Variants in PPP2R1B observed in about 807,000 individuals in gnomAD.
PPP2R1B encodes the protein serine/threonine-protein phosphatase 2A 65 kDa regulatory subunit A beta isoform.
In PPP2R1B, 58 loss-of-function variants were observed where a neutral mutation model predicts 72.7. The observed-to-expected ratio is 0.80, with a 90% CI of 0.65 to 0.99. PPP2R1B has a LOEUF of 0.99. Ranked by LOEUF, PPP2R1B falls within the 50% of genes least tolerant of loss-of-function variation. The probability of loss-of-function intolerance (pLI) is 0.00; values close to 1 mark genes in which losing one functional copy is unlikely to be tolerated. For missense variants in PPP2R1B, 695 were observed against 733.6 expected (o/e 0.95, Z 0.61); for synonymous variants, 256 against 264.6 (o/e 0.97, Z 0.32).
chr11:111,703,862 G>A, the PPP2R1B span, among the ~76,000 whole-genome samples: 1 of 152,088 alleles, frequency 6.6e-6, no homozygotes, highest in South Asian at 2.1e-4. Flanking sequence ...AAACTAAGAA[G>A]GCAAAAACAG....
chr11:111,715,960 C>A, the PPP2R1B span, among the ~76,000 whole-genome samples: 2 of 152,006 alleles, frequency 1.3e-5, no homozygotes, highest in Admixed American at 6.6e-5. Context: ...TGCCACCACA[C>A]CCAGCTAAGT....
chr11:111,695,859 TTGTG>T, the PPP2R1B span, among the ~76,000 whole-genome samples: 2 of 152,248 alleles, frequency 1.3e-5, no homozygotes, highest in Non-Finnish European at 2.9e-5. Context: ...TCCTAAAACA[TTGTG>T]CCTTTGCTAA....
At chr11:111,750,317 T>C (rs1944855770) in intron 10 of PPP2R1B, among the ~76,000 whole-genome samples, 1 of 152,160 alleles carries the variant, frequency 6.6e-6, no homozygotes, top group Non-Finnish European at 1.5e-5. Flanking sequence ...GCGATGTCAA[T>C]AGTAAACTGA....
At position 111,740,645 on chromosome 11, in the gene PPP2R1B, C is replaced by T. The variant is rs1944486483; in HGVS notation, c.*951G>A. 3.0e-6 allele frequency: 3 copies of T among 985,120 alleles called. No homozygotes were observed. Among genetic ancestry groups the T allele is most frequent in the Non-Finnish European group, 3.6e-6 (3 of 829,818 alleles). The allele number at this position is 985,120 out of a possible 1,614,324, so 61.0% of individuals were successfully genotyped here. A position where few individuals can be genotyped will look rare whatever the true frequency, so the allele number is the denominator to read the frequency against. On this transcript the variant is annotated 3_prime_UTR_variant, in exon 15 of 15. Transcript: ENST00000527614. ...TCAAATGATAAGACTCCAGTATCAC[C>T]CATACTAAAAACTTAGCAATAAAAC...
chr11:111,732,635 G>C (rs191676410), intron 15 of PPP2R1B, among the ~76,000 whole-genome samples: 43 of 152,340 alleles, frequency 2.8e-4, no homozygotes, highest in Admixed American at 1.5e-3. Flanking sequence ...AGGTTGCAGT[G>C]AGCTGAGATC....
At chr11:111,701,602 G>A in the PPP2R1B span, 3 of 1,610,820 alleles carry the variant, frequency 1.9e-6, no homozygotes, top group South Asian at 2.2e-5. This position sits in a 1 kb window ranked among gnomAD's most constrained non-coding sequence, Gnocchi z 4.2. Flanking sequence ...CTTATTAATG[G>A]TGTTTTACAG....
At chr11:111,760,019 CAG>C in intron 4 of PPP2R1B, 68 bp from the exon 5 acceptor site, 4 of 1,487,750 alleles carry the variant, frequency 2.7e-6, no homozygotes, top group Non-Finnish European at 3.7e-6. Context: ...CCCATACACA[CAG>C]ACAGACTTTT....
chr11:111,739,979 G>T lies in PPP2R1B; in HGVS notation c.*1617C>A. The T allele has an allele frequency of 1.0e-6, 1 of 980,292 alleles. No individual in the cohort carries two copies. Among genetic ancestry groups the T allele is most frequent in the South Asian group, 4.7e-5 (1 of 21,176 alleles). 60.7% of individuals were successfully genotyped at this position (980,292 alleles called of 1,614,324 possible). A position where few individuals can be genotyped will look rare whatever the true frequency, so the allele number is the denominator to read the frequency against. ...TTTCGAATGTAGGACAAATTTTAAAGTATTTAGTAAAACTTGGTTTTATGT... is the reference window on the plus strand; with the variant it reads ...TTTCGAATGTAGGACAAATTTTAAATTATTTAGTAAAACTTGGTTTTATGT... On this transcript the variant is annotated 3_prime_UTR_variant, in exon 15 of 15. Transcript: ENST00000527614.
chr11:111,747,980 A>G lies in PPP2R1B; in HGVS notation c.1373T>C (p.Leu458Ser). The G allele has an allele frequency of 1.9e-6, 3 of 1,613,546 alleles. No homozygotes were observed. Among genetic ancestry groups the G allele is most frequent in the Non-Finnish European group, 2.5e-6 (3 of 1,179,800 alleles). ...ATGGTCCACGAGCCAAGCCATACAT[A>G]AAGAATTCAGCTTTTCATCAAAGAA... The part of the protein sequence containing the change: ...VEFFDEKLNS[L>S]CMAWLVDHVY... Residue 458 changes from leucine (L) to serine (S), a missense_variant, in exon 11 of 15, where the codon TTA becomes TCA. Coordinates refer to ENST00000527614, the MANE Select transcript of PPP2R1B (RefSeq NM_002716.5).
chr11:111,746,990 G>A (rs1000825018), intron 11 of PPP2R1B, among the ~76,000 whole-genome samples: 4 of 152,016 alleles, frequency 2.6e-5, no homozygotes, highest in Admixed American at 6.6e-5. Flanking sequence ...CCACCCACAC[G>A]TATAAGCAGA....
At chr11:111,760,205 A>G (rs1555050898) in intron 4 of PPP2R1B, among the ~76,000 whole-genome samples, 1 of 152,224 alleles carries the variant, frequency 6.6e-6, no homozygotes, top group Non-Finnish European at 1.5e-5. Flanking sequence ...GAGGCCAGGA[A>G]TTGAAAGCAG....
At position 111,742,516 on chromosome 11, in the gene PPP2R1B, A is replaced by G; in HGVS notation, c.1697+7T>C. 1.2e-6 allele frequency: 2 copies of G among 1,611,570 alleles called. No individual in the cohort carries two copies. Among genetic ancestry groups the G allele is most frequent in the Non-Finnish European group, 1.7e-6 (2 of 1,178,786 alleles). On this transcript the variant is annotated splice_region_variant and intron_variant, in intron 13 of 14. Coordinates refer to ENST00000527614, the MANE Select transcript of PPP2R1B (RefSeq NM_002716.5). ...TTTTAAAACAAGACTAAACACTAAA[A>G]TCTTACTTGGTATCTAGAATTGGTC...
chr11:111,737,407 C>A (rs761058959), downstream of PPP2R1B: 6 of 1,613,744 alleles, frequency 3.7e-6, no homozygotes, highest in Admixed American at 5.0e-5. Flanking sequence ...CTGCCCGCAG[C>A]CCTGAGGGCA....
intron 11 of PPP2R1B, among the ~76,000 whole-genome samples, chr11:111,747,049 A>G (rs1008064984): frequency 6.6e-6 from 1 of 152,230 alleles, no homozygotes; most frequent in Non-Finnish European, 1.5e-5. Flanking sequence ...GCACCCATAG[A>G]TGAACAAAGA....
downstream of PPP2R1B, among the ~76,000 whole-genome samples, chr11:111,734,400 T>C (rs1056783672): frequency 2.0e-4 from 31 of 152,210 alleles, no homozygotes; most frequent in Non-Finnish European, 3.7e-4. Context: ...CCTGAGAATC[T>C]ATGTCACAGG....
At chr11:111,689,225 T>C in the PPP2R1B span, among the ~76,000 whole-genome samples, 1,186 of 152,270 alleles carry the variant, frequency 7.8e-3, 43 homozygotes, top group East Asian at 0.066. Flanking sequence ...ACATCTTGAA[T>C]GCCATGTCAA....
the PPP2R1B span, among the ~76,000 whole-genome samples, chr11:111,692,397 GGAGAGAGGGAGA>G: frequency 5.9e-5 from 7 of 118,036 alleles, no homozygotes; most frequent in Non-Finnish European, 7.2e-5. Context: ...AACACAAAAA[GGAGAGAGGGAGA>G]GAGAGAGATA....
intron 15 of PPP2R1B, chr11:111,728,045 GCAGT>G: frequency 6.6e-6 from 1 of 152,140 alleles, no homozygotes; most frequent in African/African-American, 2.4e-5. Flanking sequence ...GAGACAATAT[GCAGT>G]GTGTCATTTC....
At chr11:111,763,715 A>G (rs1591715113) in intron 3 of PPP2R1B, among the ~76,000 whole-genome samples, 1 of 152,306 alleles carries the variant, frequency 6.6e-6, no homozygotes, top group Middle Eastern at 3.4e-3. Flanking sequence ...CATTTACTGA[A>G]GTGGAACAAC....
Sources: allele counts gnomAD v4.1 joint callset (sites outside exome capture counted in the v4.1 genomes callset), GRCh38; gene constraint gnomAD v4.1.1; non-coding constraint Gnocchi (gnomAD v3.1); transcripts MANE v1.5; gene names NCBI Gene and HGNC (gene_info 2026-07-23, HGNC 2026-07-21).